Variants in RAPGEF2 observed in about 807,000 individuals in gnomAD.
RAPGEF2 encodes Rap guanine nucleotide exchange factor 2, also known as PDZ domain containing guanine nucleotide exchange factor (GEF) 1.
A neutral mutation model predicts 186.7 loss-of-function variants in RAPGEF2; 54 were observed. That is an observed-to-expected ratio of 0.29 (90% CI 0.23 to 0.36). The LOEUF is 0.36. Ranked by LOEUF, RAPGEF2 falls within the 10% of genes least tolerant of loss-of-function variation. The probability of loss-of-function intolerance (pLI) is 1.00; values close to 1 mark genes in which losing one functional copy is unlikely to be tolerated. For missense variants in RAPGEF2, 1,532 were observed against 2,045.0 expected, an observed-to-expected ratio of 0.75 and a Z score of 4.84; for synonymous variants, 712 against 705.9, an observed-to-expected ratio of 1.01 and a Z score of -0.14.
At chr4:159,247,875 G>A (rs1754837833) in intron 7 of RAPGEF2, among the ~76,000 whole-genome samples, 1 of 141,456 alleles carries the variant, frequency 7.1e-6, no homozygotes, top group Admixed American at 7.9e-5. Flanking sequence ...CGATTCTCCT[G>A]CCTCAGCCTC....
intron 1 of RAPGEF2, among the ~76,000 whole-genome samples, chr4:159,104,461 A>ACTG (rs1737560922): frequency 6.9e-6 from 1 of 144,782 alleles, no homozygotes; most frequent in Admixed American, 6.9e-5. Context: ...CCTCCCCATG[A>ACTG]CTGACCTTTC....
chr4:159,108,365 G>A (rs1319895210), intron 1 of RAPGEF2, among the ~76,000 whole-genome samples: 1 of 148,888 alleles, frequency 6.7e-6, no homozygotes, highest in Admixed American at 6.7e-5. Context: ...CCCAAATGCT[G>A]GAATTTCACA....
chr4:159,250,977 G>A (rs1405336327), intron 7 of RAPGEF2, among the ~76,000 whole-genome samples: 1 of 152,200 alleles, frequency 6.6e-6, no homozygotes, highest in Admixed American at 6.5e-5. Flanking sequence ...GCCAGCACGA[G>A]TTCCCAGTGG....
At position 159,128,952 on chromosome 4, in the gene RAPGEF2, A is replaced by G. The variant is rs868435956; in HGVS notation, c.69+24721A>G. 7.1e-3 allele frequency: 1,032 copies of G among 146,254 alleles called. 15 individuals are homozygous for G. Among genetic ancestry groups the G allele is most frequent in the African/African-American group, 0.025 (982 of 40,042 alleles). The allele number at this position is 146,254 out of a possible 1,614,324, so 9.1% of individuals were successfully genotyped here. A position where few individuals can be genotyped will look rare whatever the true frequency, so the allele number is the denominator to read the frequency against. On this transcript the variant is annotated intron_variant, in intron 1 of 29. Coordinates refer to ENST00000691494, the MANE Select transcript of RAPGEF2 (RefSeq NM_001394067.2). ...TGTGTGTGTGTGTGTGTGTATATAT[A>G]TATATATATAAATCTATTTTAAGTA...
intron 4 of RAPGEF2, among the ~76,000 whole-genome samples, chr4:159,215,593 T>A (rs1750925483): frequency 6.6e-6 from 1 of 152,212 alleles, no homozygotes; most frequent in African/African-American, 2.4e-5. Context: ...CTTAATAAAA[T>A]CAATTTTATC....
intron 7 of RAPGEF2, among the ~76,000 whole-genome samples, chr4:159,274,763 A>G (rs2110843910): frequency 6.6e-6 from 1 of 152,218 alleles, no homozygotes; most frequent in East Asian, 1.9e-4. Flanking sequence ...TGGAACATAA[A>G]TTAAGAAACT....
At chr4:159,329,593 A>C (rs1766390183) in intron 11 of RAPGEF2, 1 of 212,214 alleles carries the variant, frequency 4.7e-6, no homozygotes, top group South Asian at 1.7e-4. Flanking sequence ...CTATCTTCTA[A>C]TTATGTCTTT....
At chr4:159,254,625 A>G (rs1048989239) in intron 7 of RAPGEF2, among the ~76,000 whole-genome samples, 6 of 143,272 alleles carry the variant, frequency 4.2e-5, no homozygotes, top group Non-Finnish European at 7.6e-5. Flanking sequence ...TTTTTTTTAA[A>G]TGAGACAGAG....
intron 7 of RAPGEF2, among the ~76,000 whole-genome samples, chr4:159,284,481 GACACACACAC>G (rs36232973): frequency 0.11 from 14,794 of 140,234 alleles, 796 homozygotes; most frequent in East Asian, 0.15. Flanking sequence ...CCGCCATGGA[GACACACACAC>G]ACACACACAC....
intron 5 of RAPGEF2, among the ~76,000 whole-genome samples, chr4:159,240,826 T>C (rs1172920655): frequency 6.9e-6 from 1 of 144,178 alleles, no homozygotes; most frequent in East Asian, 1.9e-4. Context: ...TTTTTTTTTT[T>C]CTTTTTTCTA....
At chr4:159,218,908 A>G (rs1273243253) in intron 4 of RAPGEF2, among the ~76,000 whole-genome samples, 1 of 152,216 alleles carries the variant, frequency 6.6e-6, no homozygotes, top group East Asian at 1.9e-4. Flanking sequence ...ACTCATTATC[A>G]TGTTATTTTT....
intron 1 of RAPGEF2, among the ~76,000 whole-genome samples, chr4:159,177,560 A>G (rs1251620738): frequency 8.5e-5 from 13 of 152,170 alleles, no homozygotes; most frequent in Admixed American, 8.5e-4. Context: ...TCTGACTCCA[A>G]AGCTTGTATT....
In RAPGEF2 at chr4:159,194,766, A is replaced by G. The variant is rs185406994; in HGVS notation, c.197+1510A>G. Among the ~76,000 whole-genome samples the G allele has an allele frequency of 3.6e-3, 541 of 152,232 alleles. 4 individuals carry two copies. Among genetic ancestry groups the G allele is most frequent in the African/African-American group, 0.012 (517 of 41,528 alleles). ...GTTGATTTTCTTTAAGCCTCTTTTAATAGTAGCTTGGAGGCTGGTTTTCAT... is the reference window on the plus strand; with the variant it reads ...GTTGATTTTCTTTAAGCCTCTTTTAGTAGTAGCTTGGAGGCTGGTTTTCAT... On this transcript the variant is annotated intron_variant, in intron 3 of 29. Coordinates refer to ENST00000691494, the MANE Select transcript of RAPGEF2 (RefSeq NM_001394067.2).
chr4:159,330,229 C>T lies in RAPGEF2; in HGVS notation c.1303-105C>T, dbSNP rs978821429. ...TGTTGAATGTTTGAAATCCCAGTAC[C>T]ATATAAATGTCATATATGTGTGTGT... On this transcript the variant is annotated intron_variant, in intron 12 of 29. Coordinates refer to ENST00000691494, the MANE Select transcript of RAPGEF2 (RefSeq NM_001394067.2). 30 of 860,900 alleles carry T rather than the reference C, an allele frequency of 3.5e-5. No homozygotes were observed. In the African/African-American group the frequency reaches 3.8e-4, roughly 11 times the overall value. The allele number at this position is 860,900 out of a possible 1,614,324, so 53.3% of individuals were successfully genotyped here.
At chr4:159,285,759 T>TC (rs1253389000) in intron 7 of RAPGEF2, among the ~76,000 whole-genome samples, 2 of 152,178 alleles carry the variant, frequency 1.3e-5, no homozygotes, top group Non-Finnish European at 2.9e-5. Flanking sequence ...AATCACTGTC[T>TC]CATCACAGTA....
chr4:159,183,572 A>G (rs929446618), intron 1 of RAPGEF2, among the ~76,000 whole-genome samples: 1 of 152,188 alleles, frequency 6.6e-6, no homozygotes, highest in African/African-American at 2.4e-5. Flanking sequence ...TTCAAAATTA[A>G]TATTTTGTGC....
intron 3 of RAPGEF2, among the ~76,000 whole-genome samples, chr4:159,209,366 C>T (rs1313456782): frequency 2.0e-5 from 3 of 152,168 alleles, no homozygotes; most frequent in Non-Finnish European, 4.4e-5. Context: ...AGCCGATTGG[C>T]AAAACATCCA....
At position 159,346,959 on chromosome 4, in the gene RAPGEF2, T is replaced by C. The variant is rs1450718577; in HGVS notation, c.3673T>C (p.Ser1225Pro). 1.2e-6 allele frequency: 2 copies of C among 1,614,160 alleles called. No individual in the cohort carries two copies. Among genetic ancestry groups the C allele is most frequent in the East Asian group, 4.5e-5 (2 of 44,880 alleles). Residue 1225 changes from serine to proline, a missense_variant, in exon 25 of 30, where the codon TCA (serine) becomes CCA (proline). Physicochemically the swap from Ser to Pro is moderately conservative, Grantham distance 74. Around this residue, in one of 4 missense-constraint regions of RAPGEF2, gnomAD observed 594 missense variants for 608.5 expected, o/e 0.98. Coordinates refer to ENST00000691494, the MANE Select transcript of RAPGEF2 (RefSeq NM_001394067.2). ...GGTTCCCGCCGTGTCCCTTTATCCT[T>C]CACGGAAGAAAGTGCCCGTAAAGGA... The part of the protein sequence containing the change: ...LQVPAVSLYP[S>P]RKKVPVKDLP...
intron 3 of RAPGEF2, among the ~76,000 whole-genome samples, chr4:159,209,534 T>G (rs1198012420): frequency 6.6e-6 from 1 of 152,220 alleles, no homozygotes; most frequent in Non-Finnish European, 1.5e-5. Flanking sequence ...TCTATGAGAC[T>G]TGAATGTAAT....
Sources: allele counts gnomAD v4.1 joint callset (sites outside exome capture counted in the v4.1 genomes callset), GRCh38; gene constraint gnomAD v4.1.1; regional missense constraint gnomAD v4.1.1; transcripts MANE v1.5; gene names NCBI Gene and HGNC (gene_info 2026-07-23, HGNC 2026-07-21).